TUBGCP5: variants seen among roughly 807,000 people sequenced by gnomAD.
TUBGCP5 encodes gamma-tubulin complex component 5.
TUBGCP5 carries 98 observed loss-of-function variants against 134.7 expected under a neutral mutation model. The ratio of observed to expected loss-of-function variants is 0.73; its 90% CI spans 0.62 to 0.86. The LOEUF (loss-of-function observed/expected upper bound fraction) is 0.86, where lower values mean the gene tolerates loss of function less well. Among genes scored for constraint, TUBGCP5 ranks in the 40% least tolerant of loss-of-function variants. The pLI, the probability that TUBGCP5 is intolerant of heterozygous loss-of-function variation, is 0.00. For missense variants in TUBGCP5, 1,150 were observed against 1,244.8 expected, an observed-to-expected ratio of 0.92 and a Z score of 1.15; for synonymous variants, 456 against 431.4, an observed-to-expected ratio of 1.06 and a Z score of -0.71.
chr15:22,983,711 C>CAT (rs2063598426), intron 23 of TUBGCP5: 1 of 152,092 alleles, frequency 6.6e-6, no homozygotes, highest in Non-Finnish European at 1.5e-5. Context: ...TGATGTAGTT[C>CAT]GTCTCTCTCT....
At chr15:23,033,036 T>C (rs904696399) in intron 3 of TUBGCP5, among the ~76,000 whole-genome samples, 2 of 152,262 alleles carry the variant, frequency 1.3e-5, no homozygotes, top group Non-Finnish European at 2.9e-5. Flanking sequence ...GAAATCTGAG[T>C]TCTATATTTC....
intron 22 of TUBGCP5, 83 bp downstream of exon 22, chr15:23,000,486 T>C: frequency 4.5e-6 from 7 of 1,550,256 alleles, no homozygotes; most frequent in Non-Finnish European, 5.2e-6. Flanking sequence ...TAATTCTTCA[T>C]GGGATCAGTA....
chr15:22,992,962 CAG>C (rs2063897877), intron 23 of TUBGCP5, among the ~76,000 whole-genome samples: 1 of 151,724 alleles, frequency 6.6e-6, no homozygotes, highest in Non-Finnish European at 1.5e-5. Context: ...AAAAAGGAGA[CAG>C]AATTAATGGT....
chr15:23,004,018 GC>G, intron 20 of TUBGCP5, 83 bp downstream of exon 20: 1 of 1,486,292 alleles, frequency 6.7e-7, no homozygotes, highest in East Asian at 2.4e-5. Context: ...CAGGACAGAA[GC>G]TTAATCATCA....
Position 23,026,151 on chromosome 15 carries a change from CA to C in TUBGCP5, c.791del (p.Leu264TrpfsTer18), listed in dbSNP as rs1567153189. 2.5e-6 allele frequency: 4 copies of C among 1,610,330 alleles called. No homozygotes were observed. The highest frequency in any genetic ancestry group is 3.4e-6 in the Non-Finnish European group (4 of 1,179,088). ...CCCGAATAACCTGAGTCTCAGTAACCAAAACCCTGTCATCTGGAACATACAA... is the reference window on the plus strand; with the variant it reads ...CCCGAATAACCTGAGTCTCAGTAACCAAACCCTGTCATCTGGAACATACAA... ...DPLYVPDDRVLVTETQVIRET... is the reference protein window; with the variant it reads ...DPLYVPDDRVXVTETQVIRET... On this transcript the variant is annotated frameshift_variant, in exon 8 of 23. Coordinates refer to ENST00000615383, the MANE Select transcript of TUBGCP5 (RefSeq NM_052903.6). LOFTEE classifies it high-confidence loss of function.
intron 4 of TUBGCP5, 60 bp from the exon 5 acceptor site, chr15:23,032,089 C>A: frequency 7.7e-7 from 1 of 1,294,964 alleles, no homozygotes; most frequent in Non-Finnish European, 1.1e-6. Flanking sequence ...AAAAAAACCT[C>A]AAAACTAAGG....
At chr15:23,014,103 C>T (rs890422952) in intron 13 of TUBGCP5, among the ~76,000 whole-genome samples, 1 of 152,234 alleles carries the variant, frequency 6.6e-6, no homozygotes, top group African/African-American at 2.4e-5. Context: ...GCTGTGCCAT[C>T]TCTAGAGGGT....
chr15:23,032,705 T>C, intron 4 of TUBGCP5, 23 bp downstream of exon 4: 2 of 1,469,478 alleles, frequency 1.4e-6, no homozygotes, highest in Non-Finnish European at 9.2e-7. Flanking sequence ...ACTTCTCATA[T>C]GTTAAGGAAT....
At chr15:22,987,573 C>G (rs1480492765) in intron 23 of TUBGCP5, among the ~76,000 whole-genome samples, 1 of 151,828 alleles carries the variant, frequency 6.6e-6, no homozygotes, top group African/African-American at 2.4e-5. Flanking sequence ...GTAGAGTCCT[C>G]ATGAGTGGGA....
intron 18 of TUBGCP5, 128 bp from the exon 19 acceptor site, chr15:23,005,738 A>G (rs1418310116): frequency 9.8e-7 from 1 of 1,022,540 alleles, no homozygotes; most frequent in African/African-American, 1.6e-5. Context: ...CAGGGGTGGC[A>G]GGAACCGAAC....
chr15:23,020,579 C>T (rs1174011942), intron 11 of TUBGCP5, among the ~76,000 whole-genome samples: 5 of 83,216 alleles, frequency 6.0e-5, no homozygotes, highest in Non-Finnish European at 1.0e-4. Context: ...AGCAAGACTA[C>T]GTCTCAAAAA....
intron 8 of TUBGCP5, among the ~76,000 whole-genome samples, chr15:23,025,669 A>G (rs1386655107): frequency 1.3e-5 from 2 of 152,028 alleles, no homozygotes; most frequent in Non-Finnish European, 2.9e-5. Context: ...CGTCTCTACT[A>G]AAAAAGTAAA....
chr15:23,030,378 T>A (rs1424903037), intron 6 of TUBGCP5, among the ~76,000 whole-genome samples: 2 of 152,192 alleles, frequency 1.3e-5, no homozygotes, highest in Non-Finnish European at 2.9e-5. Context: ...TAAATGCAGC[T>A]GTCCCTCAGT....
At position 23,003,083 on chromosome 15, in the gene TUBGCP5, G is replaced by A. The variant is rs756187844; in HGVS notation, c.2909C>T (p.Ala970Val). 1.2e-6 allele frequency: 2 copies of A among 1,614,136 alleles called. No homozygotes were observed. The highest frequency in any genetic ancestry group is 1.7e-6 in the Non-Finnish European group (2 of 1,180,014). Residue 970 changes from alanine to valine, a missense_variant, in exon 21 of 23, where the codon GCA becomes GTA. By Grantham distance (64) the Ala-to-Val change is moderately conservative. This residue lies in a region of TUBGCP5 where 697 missense variants were observed against 850.1 expected (regional missense o/e 0.82). Coordinates refer to ENST00000615383, the MANE Select transcript of TUBGCP5 (RefSeq NM_052903.6). ...LALMFADGWQ[A>V]GLGTWRMESI... is the part of the protein sequence containing the mutation. ...TACTTACCGCCAAGTGCCCAGGCCT[G>A]CCTGCCAACCGTCTGCAAACATGAG...
intron 7 of TUBGCP5, 30 bp downstream of exon 7, chr15:23,027,162 T>C: frequency 6.6e-7 from 1 of 1,514,258 alleles, no homozygotes; most frequent in Non-Finnish European, 9.1e-7. Flanking sequence ...TCTTCTATCA[T>C]CACATTAAAT....
At position 23,022,048 on chromosome 15, in the gene TUBGCP5, G is replaced by A. The variant is rs142189359; in HGVS notation, c.1282C>T (p.Arg428Ter). Residue 428 changes from arginine to a stop codon, truncating the protein, a stop_gained, in exon 11 of 23, where the codon CGA becomes TGA. Transcript: ENST00000615383. LOFTEE classifies it high-confidence loss of function. ...TGVAEVPPDTRNVVRASHLLN... is the reference protein window; with the variant it reads ...TGVAEVPPDT ...AGGTGAGAGGCCCGGACGACATTTC[G>A]AGTATCAGGTGGAACTTCTGCTACT... is the stretch of plus-strand genomic sequence containing the variant. 5 of 1,614,146 alleles carry A rather than the reference G, an allele frequency of 3.1e-6. No homozygotes were observed. Among genetic ancestry groups the A allele is most frequent in the Admixed American group, 1.7e-5 (1 of 60,008 alleles).
chr15:23,010,218 A>G (rs1482732109), intron 14 of TUBGCP5, 85 bp from the exon 15 acceptor site: 6 of 1,414,364 alleles, frequency 4.2e-6, no homozygotes, highest in Non-Finnish European at 5.8e-6. Flanking sequence ...TTCCATTTTT[A>G]CCTTTAGTCT....
intron 3 of TUBGCP5, among the ~76,000 whole-genome samples, chr15:23,034,460 G>A (rs185185100): frequency 6.6e-6 from 1 of 152,190 alleles, no homozygotes; most frequent in African/African-American, 2.4e-5. Flanking sequence ...AATATAAGTG[G>A]TGAGATGGAA....
Position 23,005,597 on chromosome 15 carries a change from A to G in TUBGCP5, c.2547T>C (p.Thr849=), listed in dbSNP as rs774680862. 8 of 1,613,474 alleles carry G rather than the reference A, an allele frequency of 5.0e-6. No individual in the cohort carries two copies. The East Asian group carries it at 1.8e-4, about 36-fold the overall frequency. ...CTTCTTTAAGTCGTGGTTTTTCTGC[A>G]GTACTAACCAGTTCTATAAAACATT... The part of the protein sequence containing the change: ...DVLLFGELVS[T]AEKPRLKEGL... Residue 849 remains threonine, a synonymous_variant, in exon 19 of 23, where the codon ACT becomes ACC. Transcript: ENST00000615383.
Sources: gnomAD v4.1 joint callset for allele counts (sites outside exome capture counted in the v4.1 genomes callset) on GRCh38, gnomAD v4.1.1 for gene constraint, gnomAD v4.1.1 regional missense constraint, MANE v1.5 for transcripts, NCBI Gene and HGNC (gene_info 2026-07-23, HGNC 2026-07-21) for gene names.